The following GAK variants were observed in gnomAD, a reference collection of about 807,000 sequenced individuals.
The protein encoded by GAK is cyclin-G-associated kinase.
GAK carries 79 observed loss-of-function variants against 143.9 expected under a neutral mutation model. That is an observed-to-expected ratio of 0.55 (90% CI 0.46 to 0.66). GAK has a LOEUF of 0.66. Among genes scored for constraint, GAK ranks in the 30% least tolerant of loss-of-function variants. GAK has a pLI of 0.00. For synonymous variants in GAK, 881 were observed against 765.5 expected, an observed-to-expected ratio of 1.15 and a Z score of -2.49; for missense variants, 1,693 against 1,779.7, an observed-to-expected ratio of 0.95 and a Z score of 0.88.
At chr4:907,397 T>A (rs1215378061) in intron 4 of GAK, among the ~76,000 whole-genome samples, 1 of 151,974 alleles carries the variant, frequency 6.6e-6, no homozygotes, top group African/African-American at 2.4e-5. Context: ...GGGGCACCCA[T>A]AGAAGGAATG....
At chr4:881,527 G>A (rs1032181845) in intron 15 of GAK, among the ~76,000 whole-genome samples, 2 of 152,152 alleles carry the variant, frequency 1.3e-5, no homozygotes, top group Non-Finnish European at 2.9e-5. Context: ...CCCTAAACAC[G>A]CTGTGACTGT....
chr4:882,743 G>A lies in GAK; in HGVS notation c.1481C>T (p.Ala494Val), dbSNP rs1462977270. Residue 494 changes from alanine (A) to valine (V), a missense_variant, in exon 14 of 28, where the codon GCC becomes GTC. Coordinates refer to ENST00000314167, the MANE Select transcript of GAK (RefSeq NM_005255.4). Reference protein sequence around the residue: ...TLYNICRNMHAWLRQDHKNVC... With the variant: ...TLYNICRNMHVWLRQDHKNVC... ...GTTCTTGTGGTCCTGCCGCAGCCAG[G>A]CGTGCATGTTCCTGCAGATGTTGTA... is the stretch of plus-strand genomic sequence containing the variant. 2.5e-6 allele frequency: 4 copies of A among 1,612,644 alleles called. No individual in the cohort carries two copies. The South Asian group carries it at 3.3e-5, about 13-fold the overall frequency.
rs1251847480 is a variant in GAK, at chr4:850,811, C to G, written c.3657+125G>C. Reference sequence around the variant, plus strand: ...CTGGAGACGCCGGCTCCATGTGGTACAGCAGATGCTCCAGGGGTGAAAGGT... The same window carrying G: ...CTGGAGACGCCGGCTCCATGTGGTAGAGCAGATGCTCCAGGGGTGAAAGGT... On this transcript the variant is annotated intron_variant, in intron 26 of 27. Transcript: ENST00000314167. 6 of 1,071,930 alleles carry G rather than the reference C, an allele frequency of 5.6e-6. No homozygotes were observed. In the South Asian group the frequency reaches 8.3e-5, roughly 15 times the overall value. 66.4% of individuals were successfully genotyped at this position (1,071,930 alleles called of 1,614,324 possible).
At chr4:920,924 A>C (rs1325308447) in intron 1 of GAK, among the ~76,000 whole-genome samples, 1 of 152,198 alleles carries the variant, frequency 6.6e-6, no homozygotes, top group Non-Finnish European at 1.5e-5. Context: ...ATTTTTCTGC[A>C]TTTTAAAATA....
chr4:895,784 G>T (rs1243805177), intron 7 of GAK, among the ~76,000 whole-genome samples: 1 of 152,206 alleles, frequency 6.6e-6, no homozygotes, highest in Non-Finnish European at 1.5e-5. Context: ...CCAGCCATCA[G>T]GCTCAGCCCT....
chr4:867,944 A>T (rs1414213106), intron 20 of GAK, among the ~76,000 whole-genome samples: 1 of 152,232 alleles, frequency 6.6e-6, no homozygotes, highest in African/African-American at 2.4e-5. Flanking sequence ...AGGCTGAGTC[A>T]AGTGGGGGCC....
intron 24 of GAK, among the ~76,000 whole-genome samples, chr4:855,048 AAAT>A (rs368340493): frequency 1.8e-4 from 28 of 152,340 alleles, no homozygotes; most frequent in African/African-American, 6.5e-4. Context: ...CATCTCAAAA[AAAT>A]AAACTATTCC....
chr4:864,608 C>T (rs1356984212), intron 23 of GAK, among the ~76,000 whole-genome samples: 2 of 152,158 alleles, frequency 1.3e-5, no homozygotes, highest in African/African-American at 4.8e-5. Context: ...GACTGCTGTA[C>T]GTGACCCCCT....
At chr4:929,941 T>C (rs1254605653) in intron 1 of GAK, among the ~76,000 whole-genome samples, 2 of 152,246 alleles carry the variant, frequency 1.3e-5, no homozygotes, top group African/African-American at 4.8e-5. Flanking sequence ...ATTTATTCAT[T>C]TAATTACAGA....
At chr4:904,455 G>A (rs1205999821) in intron 5 of GAK, among the ~76,000 whole-genome samples, 182 bp downstream of exon 5, 1 of 149,506 alleles carries the variant, frequency 6.7e-6, no homozygotes, top group Non-Finnish European at 1.5e-5. Context: ...CGCACACAGA[G>A]GCCTCAGCAG....
intron 25 of GAK, 149 bp from the exon 26 acceptor site, chr4:851,233 G>A (rs1053391620): frequency 1.1e-5 from 7 of 616,044 alleles, no homozygotes; most frequent in Non-Finnish European, 1.9e-5. Context: ...AAGTAGCTGG[G>A]ACCACAGGCA....
intron 1 of GAK, among the ~76,000 whole-genome samples, chr4:919,644 T>A (rs1309208361): frequency 6.6e-6 from 1 of 152,256 alleles, no homozygotes; most frequent in Non-Finnish European, 1.5e-5. Context: ...TCCTCACCGC[T>A]TCTGCGATGC....
At chr4:868,175 T>C (rs907604533) in intron 20 of GAK, among the ~76,000 whole-genome samples, 2 of 151,772 alleles carry the variant, frequency 1.3e-5, no homozygotes, top group African/African-American at 4.8e-5. Context: ...CAAAGAGAGG[T>C]GTGGGATCCC....
intron 8 of GAK, 90 bp downstream of exon 8, chr4:893,784 G>A (rs933465841): frequency 2.8e-6 from 4 of 1,407,674 alleles, no homozygotes; most frequent in Middle Eastern, 1.9e-4. Flanking sequence ...GGCCAGGTGA[G>A]CAGTGCCCCA....
intron 23 of GAK, 108 bp downstream of exon 23, chr4:865,014 C>G: frequency 7.0e-7 from 1 of 1,431,266 alleles, no homozygotes; most frequent in Middle Eastern, 1.8e-4. Context: ...CCAGCCCTTC[C>G]TTCCTTCTCT....
chr4:912,716 G>A lies in GAK; in HGVS notation c.267+19C>T. The A allele has an allele frequency of 6.2e-7, 1 of 1,611,206 alleles. No homozygotes were observed. Among genetic ancestry groups the A allele is most frequent in the African/African-American group, 1.3e-5 (1 of 75,004 alleles). On this transcript the variant is annotated intron_variant, in intron 3 of 27. Transcript: ENST00000314167. ...TGCCAAAGCCACCGTGCTGGCTCCTGGTTCCAGGAAAAGGATACCATGAAG... is the reference window on the plus strand; with the variant it reads ...TGCCAAAGCCACCGTGCTGGCTCCTAGTTCCAGGAAAAGGATACCATGAAG...
chr4:930,414 G>A (rs887339615), intron 1 of GAK, among the ~76,000 whole-genome samples: 5 of 151,648 alleles, frequency 3.3e-5, no homozygotes, highest in African/African-American at 1.2e-4. Context: ...TGGGTGCTAA[G>A]TGACCCACAA....
intron 22 of GAK, among the ~76,000 whole-genome samples, chr4:865,797 A>G (rs1751066141): frequency 6.6e-6 from 1 of 152,222 alleles, no homozygotes. Flanking sequence ...CTGCCTCCTC[A>G]GGAGAGAGAA....
intron 23 of GAK, among the ~76,000 whole-genome samples, chr4:864,572 C>T (rs1014667078): frequency 4.6e-5 from 7 of 152,198 alleles, no homozygotes; most frequent in Non-Finnish European, 7.3e-5. Context: ...TCCAGGGTGA[C>T]GGGAAGGACA....
Sources: gnomAD v4.1 joint callset for allele counts (sites outside exome capture counted in the v4.1 genomes callset) on GRCh38, gnomAD v4.1.1 for gene constraint, MANE v1.5 for transcripts, NCBI Gene and HGNC (gene_info 2026-07-23, HGNC 2026-07-21) for gene names.